The following ACTR3C variants were observed in gnomAD, a reference collection of about 807,000 sequenced individuals.
ACTR3C encodes the protein actin related protein 3C.
ACTR3C carries 18 observed loss-of-function variants against 26.3 expected under a neutral mutation model. That is an observed-to-expected ratio of 0.68 (90% CI 0.47 to 1.01). The LOEUF (loss-of-function observed/expected upper bound fraction) is 1.01, where lower values mean the gene tolerates loss of function less well. Ranked by LOEUF, ACTR3C falls within the 50% of genes least tolerant of loss-of-function variation. The probability of loss-of-function intolerance (pLI) is 0.00; values close to 1 mark genes in which losing one functional copy is unlikely to be tolerated. For synonymous variants in ACTR3C, 55 were observed against 94.5 expected (o/e 0.58, Z 2.42); for missense variants, 184 against 250.7 (o/e 0.73, Z 1.80).
chr7:150,113,517 A>G, the ACTR3C span, among the ~76,000 whole-genome samples: 30,128 of 152,174 alleles, frequency 0.2, 3,117 homozygotes, highest in African/African-American at 0.25. Flanking sequence ...AGCCCCAGGC[A>G]TGGTACTAGA....
At chr7:149,955,374 G>C in the ACTR3C span, among the ~76,000 whole-genome samples, 1 of 152,194 alleles carries the variant, frequency 6.6e-6, no homozygotes, top group Admixed American at 6.5e-5. Flanking sequence ...TGATTGATTT[G>C]TTCATTCAAA....
chr7:150,122,675 T>C, the ACTR3C span, among the ~76,000 whole-genome samples: 2 of 152,208 alleles, frequency 1.3e-5, no homozygotes, highest in Non-Finnish European at 2.9e-5. Flanking sequence ...TGGAAGACAG[T>C]GTGGTGGTTC....
chr7:150,191,631 T>C, the ACTR3C span, among the ~76,000 whole-genome samples: 1 of 152,242 alleles, frequency 6.6e-6, no homozygotes, highest in Non-Finnish European at 1.5e-5. Context: ...GGTTTTGCCA[T>C]GTAGAAAGTT....
the ACTR3C span, among the ~76,000 whole-genome samples, chr7:150,222,841 T>G: frequency 6.6e-6 from 1 of 152,268 alleles, no homozygotes; most frequent in Non-Finnish European, 1.5e-5. Context: ...AGTTATGATT[T>G]AGTAAAATAA....
chr7:150,098,011 C>A, the ACTR3C span, among the ~76,000 whole-genome samples: 2 of 151,460 alleles, frequency 1.3e-5, 1 homozygote, highest in African/African-American at 4.9e-5. Context: ...AGGATCCTCC[C>A]CAACATGGTC....
the ACTR3C span, among the ~76,000 whole-genome samples, chr7:150,032,868 T>C: frequency 6.6e-6 from 1 of 152,112 alleles, no homozygotes; most frequent in African/African-American, 2.4e-5. Context: ...CCAAGACAAG[T>C]TCAATGGCCA....
intron 6 of ACTR3C, among the ~76,000 whole-genome samples, chr7:150,270,885 A>G (rs1166483230): frequency 3.9e-5 from 6 of 151,916 alleles, no homozygotes; most frequent in Non-Finnish European, 8.8e-5. Context: ...TCCCTCAACC[A>G]TTTCTCACAG....
the ACTR3C span, among the ~76,000 whole-genome samples, chr7:150,054,035 G>A: frequency 6.6e-6 from 1 of 152,188 alleles, no homozygotes; most frequent in African/African-American, 2.4e-5. Context: ...ACAACACAAT[G>A]ACTGTGAAAC....
chr7:150,202,100 G>T, the ACTR3C span, among the ~76,000 whole-genome samples: 1 of 152,082 alleles, frequency 6.6e-6, no homozygotes, highest in African/African-American at 2.4e-5. Context: ...GACTAACTAG[G>T]TCATTCTGCC....
the ACTR3C span, among the ~76,000 whole-genome samples, chr7:149,908,387 G>A: frequency 7.2e-5 from 11 of 152,226 alleles, no homozygotes; most frequent in South Asian, 4.2e-4. Flanking sequence ...GCAGCAGAGC[G>A]TTTAGATCTA....
the ACTR3C span, among the ~76,000 whole-genome samples, chr7:150,032,773 T>C: frequency 6.6e-6 from 1 of 152,082 alleles, no homozygotes; most frequent in Non-Finnish European, 1.5e-5. Context: ...GTAGAGGTAG[T>C]GGTTTGCTAT....
the ACTR3C span, among the ~76,000 whole-genome samples, chr7:150,077,183 A>C: frequency 6.6e-6 from 1 of 152,116 alleles, no homozygotes; most frequent in African/African-American, 2.4e-5. Flanking sequence ...TTCCAAAGGC[A>C]GTATTTCAAA....
At chr7:150,224,702 T>A in the ACTR3C span, among the ~76,000 whole-genome samples, 1 of 152,316 alleles carries the variant, frequency 6.6e-6, no homozygotes, top group South Asian at 2.1e-4. Context: ...ATTTGCATAC[T>A]GAACTCTTTG....
chr7:150,285,415 G>A (rs1262319849), intron 5 of ACTR3C, among the ~76,000 whole-genome samples: 3 of 152,102 alleles, frequency 2.0e-5, no homozygotes, highest in South Asian at 2.1e-4. Context: ...AAAGTATAAC[G>A]AATTCAACTC....
intron 1 of ACTR3C, among the ~76,000 whole-genome samples, chr7:150,313,756 G>A (rs867326763): frequency 5.9e-5 from 9 of 152,194 alleles, no homozygotes; most frequent in Middle Eastern, 3.4e-3. Flanking sequence ...GGAGAGAGGG[G>A]GAGAGAGAGT....
the ACTR3C span, among the ~76,000 whole-genome samples, chr7:150,010,935 T>G: frequency 6.8e-6 from 1 of 147,142 alleles, no homozygotes; most frequent in Non-Finnish European, 1.5e-5. Flanking sequence ...ATGGGTAAAG[T>G]CAGTCCTGTG....
chr7:150,239,536 CTCTCTATA>C (rs1165982626), downstream of ACTR3C, among the ~76,000 whole-genome samples: 84 of 112,950 alleles, frequency 7.4e-4, 1 homozygote, highest in African/African-American at 2.2e-3. Context: ...CTCTCTCTCT[CTCTCTATA>C]TATATATATA....
At chr7:149,998,612 T>C in the ACTR3C span, among the ~76,000 whole-genome samples, 1 of 148,546 alleles carries the variant, frequency 6.7e-6, no homozygotes, top group Non-Finnish European at 1.5e-5. Context: ...GAGAACTCAC[T>C]ATCATGAGAA....
the ACTR3C span, among the ~76,000 whole-genome samples, chr7:150,226,750 T>C: frequency 2.0e-5 from 3 of 152,174 alleles, no homozygotes; most frequent in African/African-American, 4.8e-5. Context: ...ATTGCCGTTT[T>C]AATTTGAAAA....
Sources: allele counts gnomAD v4.1 joint callset (sites outside exome capture counted in the v4.1 genomes callset), GRCh38; gene constraint gnomAD v4.1.1; transcripts MANE v1.5; gene names NCBI Gene and HGNC (gene_info 2026-07-23, HGNC 2026-07-21).